Variants in STK31 observed in about 807,000 individuals in gnomAD.
STK31 encodes the protein serine/threonine-protein kinase 31.
Under a neutral mutation model 129.7 loss-of-function variants are expected in STK31, and 89 were observed. The ratio of observed to expected loss-of-function variants is 0.69; its 90% CI spans 0.58 to 0.82. The LOEUF (loss-of-function observed/expected upper bound fraction) is 0.82. STK31 is among the 40% of genes least tolerant of loss of function. STK31 has a pLI of 0.00. For missense variants in STK31, 1,187 were observed against 1,176.4 expected (o/e 1.01, Z -0.13); for synonymous variants, 448 against 395.3 (o/e 1.13, Z -1.58).
intron 10 of STK31, among the ~76,000 whole-genome samples, chr7:23,758,179 A>G (rs1789222406): frequency 6.6e-6 from 1 of 152,024 alleles, no homozygotes; most frequent in Non-Finnish European, 1.5e-5. Context: ...TTTTCCCCAC[A>G]CTACCTGGTT....
chr7:23,826,083 G>T (rs1482269115), intron 23 of STK31, among the ~76,000 whole-genome samples: 1 of 152,160 alleles, frequency 6.6e-6, no homozygotes, highest in Non-Finnish European at 1.5e-5. Flanking sequence ...TGTTGATTTG[G>T]GGTGGAGAGT....
At chr7:23,749,683 T>C (rs1176603936) in intron 8 of STK31, among the ~76,000 whole-genome samples, 1 of 152,106 alleles carries the variant, frequency 6.6e-6, no homozygotes. Flanking sequence ...GTATATGATA[T>C]ATCAGGTAAA....
chr7:23,719,865 T>C (rs1339121773), intron 4 of STK31, among the ~76,000 whole-genome samples: 4 of 152,152 alleles, frequency 2.6e-5, no homozygotes, highest in Non-Finnish European at 5.9e-5. Context: ...TCACTATACA[T>C]TGATTGGGCT....
At chr7:23,757,458 AG>A (rs956603009) in intron 10 of STK31, among the ~76,000 whole-genome samples, 1 of 152,100 alleles carries the variant, frequency 6.6e-6, no homozygotes, top group Non-Finnish European at 1.5e-5. Context: ...GTGGGGAGAG[AG>A]TCAGCAGGAA....
chr7:23,824,922 C>T (rs1252342005), intron 23 of STK31, among the ~76,000 whole-genome samples: 1 of 151,984 alleles, frequency 6.6e-6, no homozygotes, highest in Non-Finnish European at 1.5e-5. Flanking sequence ...ATATGTTGAA[C>T]CAGCCTTGCA....
chr7:23,723,703 A>T (rs960360591), intron 4 of STK31, among the ~76,000 whole-genome samples: 1 of 152,156 alleles, frequency 6.6e-6, no homozygotes, highest in Non-Finnish European at 1.5e-5. Context: ...GGAGGAGAAG[A>T]TTGGGCCCAG....
chr7:23,728,739 A>C (rs1041765572), intron 5 of STK31, among the ~76,000 whole-genome samples: 1 of 152,162 alleles, frequency 6.6e-6, no homozygotes, highest in Non-Finnish European at 1.5e-5. Flanking sequence ...TTGAAATTGA[A>C]TTGAATGTTG....
At chr7:23,743,302 C>T (rs1343663231) in intron 8 of STK31, among the ~76,000 whole-genome samples, 1 of 152,146 alleles carries the variant, frequency 6.6e-6, no homozygotes, top group Non-Finnish European at 1.5e-5. Flanking sequence ...GTGTATTGCC[C>T]TCCCTTAAGC....
intron 3 of STK31, among the ~76,000 whole-genome samples, chr7:23,716,031 T>C (rs1011870560): frequency 6.6e-6 from 1 of 152,188 alleles, no homozygotes; most frequent in Non-Finnish European, 1.5e-5. Context: ...ATTAGTACAA[T>C]GCTATTAACT....
At chr7:23,774,002 G>C (rs113089071) in intron 15 of STK31, among the ~76,000 whole-genome samples, 2,121 of 150,584 alleles carry the variant, frequency 0.014, 41 homozygotes, top group African/African-American at 0.049. Context: ...CCATTGTTCA[G>C]TTCCCACCTA....
chr7:23,739,795 G>A (rs996611887), intron 8 of STK31, among the ~76,000 whole-genome samples: 1 of 152,088 alleles, frequency 6.6e-6, no homozygotes, highest in South Asian at 2.1e-4. Context: ...GATGTGTGGT[G>A]TTATTTCTGA....
intron 3 of STK31, 126 bp from the exon 4 acceptor site, chr7:23,717,355 C>T: frequency 1.9e-6 from 1 of 534,890 alleles, no homozygotes; most frequent in Non-Finnish European, 3.2e-6. Flanking sequence ...AAAATACAGG[C>T]ATAAGAAGTT....
chr7:23,752,749 C>T lies in STK31; in HGVS notation c.1050C>T (p.Asn350=), dbSNP rs773194949. Residue 350 remains asparagine (N), a synonymous_variant, in exon 9 of 24, where the codon AAC becomes AAT. Coordinates refer to ENST00000355870, the MANE Select transcript of STK31 (RefSeq NM_031414.5). ...QEKAAAVDLT[N]HLEYTLKTYI... is the part of the protein sequence containing the mutation. Reference sequence around the variant, plus strand: ...AGGCAGCTGCTGTGGATTTGACTAACCACTTAGAATACACTCTGAAGACCT... The same window carrying T: ...AGGCAGCTGCTGTGGATTTGACTAATCACTTAGAATACACTCTGAAGACCT... 1 of 1,613,558 alleles carries T rather than the reference C, an allele frequency of 6.2e-7. No individual in the cohort carries two copies. The highest frequency in any genetic ancestry group is 1.7e-5 in the Admixed American group (1 of 59,962).
At chr7:23,733,691 C>T (rs1055130326) in intron 6 of STK31, among the ~76,000 whole-genome samples, 12 of 152,040 alleles carry the variant, frequency 7.9e-5, no homozygotes, top group South Asian at 4.2e-4. Flanking sequence ...TGCCTGTAGT[C>T]CCAGCTACTT....
At position 23,831,319 on chromosome 7, in the gene STK31, A is replaced by G. The variant is rs574870385; in HGVS notation, c.2830-817A>G. ...ATCCATGTATATGTTTAGAATTGTT[A>G]CATTCTCTTGCTGAATTGATCCCTT... On this transcript the variant is annotated intron_variant, in intron 23 of 23. Transcript: ENST00000355870. Among the ~76,000 whole-genome samples the G allele has an allele frequency of 2.0e-5, 3 of 152,256 alleles. No homozygotes were observed. The South Asian group carries it at 6.2e-4, about 32-fold the overall frequency.
Position 23,791,024 on chromosome 7 carries a change from C to T in STK31, c.2760+78C>T, listed in dbSNP as rs904762433. 7.6e-6 allele frequency: 9 copies of T among 1,190,780 alleles called. No homozygotes were observed. In the African/African-American group the frequency reaches 1.1e-4, roughly 15 times the overall value. 73.8% of individuals were successfully genotyped at this position (1,190,780 alleles called of 1,614,324 possible). A position where few individuals can be genotyped will look rare whatever the true frequency, so the allele number is the denominator to read the frequency against. On this transcript the variant is annotated intron_variant, in intron 22 of 23. Transcript: ENST00000355870. ...AAAGTGATGATTTTATAGTGATTCT[C>T]CTTAAAAATAAAAAGCAGCAGACTT...
At chr7:23,808,795 A>G (rs751853006) in intron 22 of STK31, among the ~76,000 whole-genome samples, 3 of 151,542 alleles carry the variant, frequency 2.0e-5, no homozygotes, top group Non-Finnish European at 3.0e-5. Flanking sequence ...CTCACTCAGC[A>G]CTACTAATAC....
chr7:23,783,095 G>A (rs1186871983), intron 16 of STK31, among the ~76,000 whole-genome samples: 1 of 152,290 alleles, frequency 6.6e-6, no homozygotes, highest in South Asian at 2.1e-4. Flanking sequence ...ATGCTTTGTG[G>A]TCAGAACAAA....
intron 8 of STK31, among the ~76,000 whole-genome samples, chr7:23,749,586 C>G (rs1189237151): frequency 2.0e-5 from 3 of 151,010 alleles, no homozygotes; most frequent in African/African-American, 7.3e-5. Context: ...CTCCTGGGCT[C>G]AAGCAGTTGA....
Sources: gnomAD v4.1 joint callset for allele counts (sites outside exome capture counted in the v4.1 genomes callset) on GRCh38, gnomAD v4.1.1 for gene constraint, MANE v1.5 for transcripts, NCBI Gene and HGNC (gene_info 2026-07-23, HGNC 2026-07-21) for gene names.